Variants in CTNNA3 observed in about 807,000 individuals in gnomAD.
CTNNA3 encodes the protein catenin alpha-3.
In CTNNA3, 76 loss-of-function variants were observed where a neutral mutation model predicts 95.7. The ratio of observed to expected loss-of-function variants is 0.79; its 90% CI spans 0.66 to 0.96. The LOEUF (loss-of-function observed/expected upper bound fraction) is 0.96. Among genes scored for constraint, CTNNA3 ranks in the 40% least tolerant of loss-of-function variants. CTNNA3 has a pLI of 0.00. For synonymous variants in CTNNA3, 431 were observed against 374.4 expected, an observed-to-expected ratio of 1.15 and a Z score of -1.74; for missense variants, 1,191 against 1,089.8, an observed-to-expected ratio of 1.09 and a Z score of -1.31.
At chr10:67,552,187 C>T (rs1186313029) in intron 3 of CTNNA3, among the ~76,000 whole-genome samples, 2 of 152,196 alleles carry the variant, frequency 1.3e-5, no homozygotes, top group Admixed American at 6.5e-5. Flanking sequence ...GAATACAATA[C>T]GACAATTCAA....
chr10:66,163,206 C>T (rs775775517), intron 13 of CTNNA3, among the ~76,000 whole-genome samples: 21 of 152,260 alleles, frequency 1.4e-4, no homozygotes, highest in Non-Finnish European at 2.4e-4. Context: ...TTTGCACCCT[C>T]TCCCCATTTC....
At position 66,875,840 on chromosome 10, in the gene CTNNA3, C is replaced by T. The variant is rs184400614; in HGVS notation, c.1048-100316G>A. On this transcript the variant is annotated intron_variant, in intron 7 of 17. Coordinates refer to ENST00000433211, the MANE Select transcript of CTNNA3 (RefSeq NM_013266.4). ...AGAGACCACTATCATAGCTAAGACACCCTATGGATTAAAAGAGTCCTTAAA... is the reference window on the plus strand; with the variant it reads ...AGAGACCACTATCATAGCTAAGACATCCTATGGATTAAAAGAGTCCTTAAA... 2.8e-3 allele frequency among the ~76,000 whole-genome samples: 432 copies of T among 152,164 alleles called. 3 individuals are homozygous for T. Among genetic ancestry groups the T allele is most frequent in the Non-Finnish European group, 3.9e-3 (262 of 67,990 alleles).
chr10:66,920,570 C>T (rs1409300342), intron 7 of CTNNA3, among the ~76,000 whole-genome samples: 1 of 152,120 alleles, frequency 6.6e-6, no homozygotes, highest in African/African-American at 2.4e-5. Context: ...CATTTCATAA[C>T]TTTCTGTTCA....
intron 7 of CTNNA3, among the ~76,000 whole-genome samples, chr10:66,806,470 G>A (rs1307482660): frequency 6.6e-6 from 1 of 152,014 alleles, no homozygotes; most frequent in Non-Finnish European, 1.5e-5. Flanking sequence ...TACACTTAAA[G>A]ACGAGGCATA....
intron 7 of CTNNA3, among the ~76,000 whole-genome samples, chr10:66,801,950 A>T (rs2132235725): frequency 6.6e-6 from 1 of 151,918 alleles, no homozygotes. Flanking sequence ...ATTCATATTT[A>T]CATGGTTAAT....
At chr10:66,212,847 T>C (rs1295134814) in intron 13 of CTNNA3, among the ~76,000 whole-genome samples, 1 of 152,154 alleles carries the variant, frequency 6.6e-6, no homozygotes, top group African/African-American at 2.4e-5. Context: ...CTACTAAAAC[T>C]ACAAAAATTA....
intron 9 of CTNNA3, among the ~76,000 whole-genome samples, chr10:66,705,086 T>C (rs1848073678): frequency 6.6e-6 from 1 of 152,116 alleles, no homozygotes; most frequent in Admixed American, 6.6e-5. Flanking sequence ...GTTTTTACTT[T>C]AGTTGAATTT....
At chr10:67,030,497 A>T (rs1020637923) in intron 7 of CTNNA3, among the ~76,000 whole-genome samples, 14 of 152,062 alleles carry the variant, frequency 9.2e-5, no homozygotes, top group African/African-American at 3.4e-4. Flanking sequence ...CCACACAAAA[A>T]ATATATAAAT....
At chr10:67,354,502 A>G (rs1305880148) in intron 5 of CTNNA3, among the ~76,000 whole-genome samples, 1 of 151,988 alleles carries the variant, frequency 6.6e-6, no homozygotes, top group Non-Finnish European at 1.5e-5. Context: ...TAAAACTAGA[A>G]AGAGAAGAGA....
chr10:67,026,754 G>A (rs1427609239), intron 7 of CTNNA3, among the ~76,000 whole-genome samples: 2 of 152,144 alleles, frequency 1.3e-5, no homozygotes, highest in Non-Finnish European at 2.9e-5. Context: ...CTGGTTCTTA[G>A]TTGTTCAAAG....
intron 7 of CTNNA3, among the ~76,000 whole-genome samples, chr10:66,817,347 C>A (rs543050041): frequency 3.5e-4 from 53 of 151,678 alleles, no homozygotes; most frequent in African/African-American, 1.3e-3. Flanking sequence ...GGATAAAAAA[C>A]CTACAGATAA....
chr10:67,751,343 G>T, intron 1 of CTNNA3: 1 of 691,362 alleles, frequency 1.4e-6, no homozygotes, highest in Non-Finnish European at 2.6e-6. Context: ...CAGTGACTTC[G>T]TCCTGTTGCA....
chr10:67,074,420 G>A (rs1281174753), intron 7 of CTNNA3, among the ~76,000 whole-genome samples: 5 of 131,018 alleles, frequency 3.8e-5, no homozygotes, highest in East Asian at 2.2e-4. Context: ...GCACGATCTC[G>A]GCTCACTGCA....
intron 6 of CTNNA3, among the ~76,000 whole-genome samples, chr10:67,206,796 C>T (rs1370715659): frequency 2.6e-5 from 4 of 151,398 alleles, no homozygotes; most frequent in African/African-American, 2.4e-5. Flanking sequence ...ATATTGTCTG[C>T]GAAGTAATTA....
chr10:67,079,914 T>C (rs866878145), intron 7 of CTNNA3, among the ~76,000 whole-genome samples: 2 of 141,414 alleles, frequency 1.4e-5, no homozygotes, highest in South Asian at 2.3e-4. Context: ...CACACAAAGA[T>C]AGTCACTAAC....
intron 9 of CTNNA3, among the ~76,000 whole-genome samples, chr10:66,657,413 C>T (rs746994263): frequency 7.9e-5 from 12 of 152,062 alleles, no homozygotes; most frequent in Non-Finnish European, 1.2e-4. Context: ...TGTTAGGATG[C>T]CACAGTTAAA....
At chr10:67,391,751 C>T (rs1260859033) in intron 5 of CTNNA3, among the ~76,000 whole-genome samples, 3 of 149,742 alleles carry the variant, frequency 2.0e-5, no homozygotes, top group Non-Finnish European at 4.4e-5. Context: ...AATAACGCCG[C>T]ATATCTACAA....
intron 13 of CTNNA3, among the ~76,000 whole-genome samples, chr10:66,154,416 T>C (rs1473735539): frequency 6.6e-6 from 1 of 151,646 alleles, no homozygotes; most frequent in Non-Finnish European, 1.5e-5. Context: ...CTTACTTATA[T>C]AGCACATTCA....
intron 15 of CTNNA3, among the ~76,000 whole-genome samples, chr10:66,030,040 A>G (rs748177869): frequency 1.8e-4 from 28 of 152,184 alleles, no homozygotes; most frequent in Non-Finnish European, 3.7e-4. Context: ...CTCTACAAGA[A>G]CTATAAAATA....
Sources: allele counts gnomAD v4.1 joint callset (sites outside exome capture counted in the v4.1 genomes callset), GRCh38; gene constraint gnomAD v4.1.1; transcripts MANE v1.5; gene names NCBI Gene and HGNC (gene_info 2026-07-23, HGNC 2026-07-21).